The following ARHGAP19 variants were observed in gnomAD, a reference collection of about 807,000 sequenced individuals.
ARHGAP19 encodes the protein Rho GTPase activating protein 19.
ARHGAP19 carries 48 observed loss-of-function variants against 60.9 expected under a neutral mutation model. The ratio of observed to expected loss-of-function variants is 0.79; its 90% CI spans 0.62 to 1.00. The LOEUF is 1.00. Among genes scored for constraint, ARHGAP19 ranks in the 50% least tolerant of loss-of-function variants. The probability of loss-of-function intolerance (pLI) is 0.00; values close to 1 mark genes in which losing one functional copy is unlikely to be tolerated. For synonymous variants in ARHGAP19, 209 were observed against 215.5 expected (o/e 0.97, Z 0.27); for missense variants, 562 against 597.2 (o/e 0.94, Z 0.61).
intron 2 of ARHGAP19, among the ~76,000 whole-genome samples, 155 bp from the exon 3 acceptor site, chr10:97,265,061 C>T (rs552317449): frequency 7.9e-5 from 12 of 152,102 alleles, no homozygotes; most frequent in Non-Finnish European, 1.3e-4. Flanking sequence ...CACCAGAAAA[C>T]GCGAGCAGGA....
At position 97,222,487 on chromosome 10, in the gene ARHGAP19, T is replaced by C. The variant is rs1850821232; in HGVS notation, c.*3635A>G. 1 of 152,222 alleles carries C rather than the reference T, an allele frequency of 6.6e-6. No individual in the cohort carries two copies. Among genetic ancestry groups the C allele is most frequent in the Non-Finnish European group, 1.5e-5 (1 of 68,084 alleles). 9.4% of individuals were successfully genotyped at this position (152,222 alleles called of 1,614,324 possible). ...GGCTGTGGCCTCACACACTCCAGTC[T>C]CCATGGTAACCCAAGCACTCAGGCT... On this transcript the variant is annotated 3_prime_UTR_variant, in exon 12 of 12. Coordinates refer to ENST00000358531, the MANE Select transcript of ARHGAP19 (RefSeq NM_032900.6).
chr10:97,290,098 C>G (rs891081036), intron 1 of ARHGAP19, among the ~76,000 whole-genome samples: 1 of 152,114 alleles, frequency 6.6e-6, no homozygotes. Flanking sequence ...CTCGGGCAAC[C>G]CCCTTTGGGT....
intron 8 of ARHGAP19, among the ~76,000 whole-genome samples, chr10:97,238,433 G>C (rs1325618063): frequency 6.6e-6 from 1 of 152,112 alleles, no homozygotes; most frequent in Non-Finnish European, 1.5e-5. Flanking sequence ...GCCCAGGGTG[G>C]TCTCGAACTC....
chr10:97,229,315 TC>T (rs879242469), intron 10 of ARHGAP19, 90 bp from the exon 11 acceptor site: 1 of 1,113,872 alleles, frequency 9.0e-7, no homozygotes, highest in South Asian at 1.3e-5. Flanking sequence ...TTGTTCAATT[TC>T]AATGTGAAGA....
chr10:97,225,413 AT>A lies in ARHGAP19; in HGVS notation c.*708del, dbSNP rs1850877578. On this transcript the variant is annotated 3_prime_UTR_variant, in exon 12 of 12. Coordinates refer to ENST00000358531, the MANE Select transcript of ARHGAP19 (RefSeq NM_032900.6). ...GAAGGAAAAGAGTTTAATAATTAAGATTTGTTAAAATACTGTATCATTCTGA... is the reference window on the plus strand; with the variant it reads ...GAAGGAAAAGAGTTTAATAATTAAGATTGTTAAAATACTGTATCATTCTGA... 6.6e-6 allele frequency: 1 copy of A among 152,216 alleles called. No individual in the cohort carries two copies. Among genetic ancestry groups the A allele is most frequent in the African/African-American group, 2.4e-5 (1 of 41,448 alleles). The allele number at this position is 152,216 out of a possible 1,614,324, so 9.4% of individuals were successfully genotyped here.
At chr10:97,227,209 G>A (rs916955865) in intron 11 of ARHGAP19, among the ~76,000 whole-genome samples, 4 of 152,272 alleles carry the variant, frequency 2.6e-5, no homozygotes, top group South Asian at 4.1e-4. Context: ...CAAAGAATAT[G>A]TTACTTTTAT....
chr10:97,241,940 G>A (rs1842489291), intron 8 of ARHGAP19, among the ~76,000 whole-genome samples: 1 of 151,302 alleles, frequency 6.6e-6, no homozygotes, highest in Non-Finnish European at 1.5e-5. Flanking sequence ...AACCCAGGAG[G>A]CGGAGCTTGC....
intron 6 of ARHGAP19, among the ~76,000 whole-genome samples, chr10:97,246,900 G>C (rs192020773): frequency 1.3e-5 from 2 of 152,234 alleles, no homozygotes; most frequent in East Asian, 3.9e-4. Flanking sequence ...CACTATGGGA[G>C]GCCAAGGTGG....
intron 3 of ARHGAP19, among the ~76,000 whole-genome samples, chr10:97,264,548 G>A (rs540222555): frequency 2.0e-5 from 3 of 152,098 alleles, no homozygotes; most frequent in Non-Finnish European, 4.4e-5. Context: ...ATTCTTTAGG[G>A]ACAATGTATT....
At chr10:97,253,745 T>C (rs143245241) in intron 6 of ARHGAP19, among the ~76,000 whole-genome samples, 1 of 152,196 alleles carries the variant, frequency 6.6e-6, no homozygotes, top group Non-Finnish European at 1.5e-5. Flanking sequence ...CAAAATATCA[T>C]ATGTACCCAA....
intron 1 of ARHGAP19, among the ~76,000 whole-genome samples, chr10:97,290,961 T>C (rs1481463521): frequency 6.6e-6 from 1 of 152,114 alleles, no homozygotes; most frequent in Non-Finnish European, 1.5e-5. Context: ...ACTAGCTGGA[T>C]TTCCTAGGCC....
rs1362110827 is a variant in ARHGAP19 at position 97,222,823 on chromosome 10, G to C, written c.*3299C>G. ...CTACACAAAAATGACCTCAGAATGG[G>C]GGCCATTAGCCTCAAGCATCTGTGT... On this transcript the variant is annotated 3_prime_UTR_variant, in exon 12 of 12. Coordinates refer to ENST00000358531, the MANE Select transcript of ARHGAP19 (RefSeq NM_032900.6). The C allele has an allele frequency of 6.6e-6, 1 of 152,134 alleles. No individual in the cohort carries two copies. The highest frequency in any genetic ancestry group is 6.5e-5 in the Admixed American group (1 of 15,274). The allele number at this position is 152,134 out of a possible 1,614,324, so 9.4% of individuals were successfully genotyped here.
intron 3 of ARHGAP19, among the ~76,000 whole-genome samples, chr10:97,264,162 C>T (rs1273708188): frequency 2.0e-5 from 3 of 152,158 alleles, no homozygotes; most frequent in East Asian, 1.9e-4. Context: ...CTAAACTATT[C>T]GTCCCTAGGC....
At chr10:97,265,629 T>C in intron 2 of ARHGAP19, 1 of 515,216 alleles carries the variant, frequency 1.9e-6, no homozygotes, top group South Asian at 2.9e-5. Flanking sequence ...AAGTTAATCA[T>C]GTCTTCTCTC....
At chr10:97,272,337 G>A (rs1378715494) in intron 1 of ARHGAP19, among the ~76,000 whole-genome samples, 1 of 151,886 alleles carries the variant, frequency 6.6e-6, no homozygotes, top group Non-Finnish European at 1.5e-5. Flanking sequence ...ATTTCATCGT[G>A]TTGCCCAGGC....
At chr10:97,236,803 G>GAAAAAAAAAAA (rs71007323) in intron 8 of ARHGAP19, among the ~76,000 whole-genome samples, 2 of 80,030 alleles carry the variant, frequency 2.5e-5, no homozygotes, top group Non-Finnish European at 4.6e-5. Context: ...AACAGACTCA[G>GAAAAAAAAAAA]AAAAAAAAAA....
chr10:97,249,659 C>A (rs948699151), intron 6 of ARHGAP19, among the ~76,000 whole-genome samples: 1 of 152,072 alleles, frequency 6.6e-6, no homozygotes, highest in Non-Finnish European at 1.5e-5. Context: ...AAAACCAGTA[C>A]AGAAGCTTTG....
rs571378106 is a variant in ARHGAP19, at chr10:97,247,590, G to T, written c.928-1253C>A. The stretch of plus-strand genomic sequence containing the variant: ...CCCAAATGTTCTTTAATAGAGAACT[G>T]GTTGAATCAACTTTCATACATCCAT... On this transcript the variant is annotated intron_variant, in intron 6 of 11. Transcript: ENST00000358531. Among the ~76,000 whole-genome samples the T allele has an allele frequency of 6.6e-5, 10 of 152,166 alleles. No individual in the cohort carries two copies. In the East Asian group the frequency reaches 1.9e-3, roughly 29 times the overall value.
intron 1 of ARHGAP19, among the ~76,000 whole-genome samples, chr10:97,271,382 AC>A (rs1170514160): frequency 2.0e-5 from 3 of 152,122 alleles, no homozygotes; most frequent in African/African-American, 7.2e-5. Flanking sequence ...ATAATAAAAT[AC>A]AAGACAAGCC....
Sources: gnomAD v4.1 joint callset for allele counts (sites outside exome capture counted in the v4.1 genomes callset) on GRCh38, gnomAD v4.1.1 for gene constraint, MANE v1.5 for transcripts, NCBI Gene and HGNC (gene_info 2026-07-23, HGNC 2026-07-21) for gene names.